The following CLPTM1L variants were observed in gnomAD, a reference collection of about 807,000 sequenced individuals.
CLPTM1L encodes the protein CLPTM1 like, also known as lipid scramblase CLPTM1L.
A neutral mutation model predicts 70.9 loss-of-function variants in CLPTM1L; 38 were observed. That is an observed-to-expected ratio of 0.54 (90% CI 0.41 to 0.70). The LOEUF (loss-of-function observed/expected upper bound fraction) is 0.70, where lower values mean the gene tolerates loss of function less well. Among genes scored for constraint, CLPTM1L ranks in the 30% least tolerant of loss-of-function variants. CLPTM1L has a pLI of 0.00. For synonymous variants in CLPTM1L, 339 were observed against 299.9 expected (o/e 1.13, Z -1.35); for missense variants, 652 against 705.9 (o/e 0.92, Z 0.87).
chr5:1,335,522 G>A (rs1211158548), intron 5 of CLPTM1L, among the ~76,000 whole-genome samples: 1 of 152,252 alleles, frequency 6.6e-6, no homozygotes, highest in Non-Finnish European at 1.5e-5. Context: ...AGGACTCCAT[G>A]GCGCAGCATA....
chr5:1,330,494 G>A, intron 8 of CLPTM1L, 111 bp from the exon 9 acceptor site: 1 of 765,510 alleles, frequency 1.3e-6, no homozygotes, highest in South Asian at 1.6e-5. Flanking sequence ...CGCCCAAGAA[G>A]CTTCAGGTAC....
At chr5:1,325,067 G>A in intron 10 of CLPTM1L, 1 of 574,942 alleles carries the variant, frequency 1.7e-6, no homozygotes, top group East Asian at 2.8e-5. Context: ...CCTTGCTCAG[G>A]TGGCTCAGTT....
At chr5:1,327,485 G>C (rs1481516566) in intron 9 of CLPTM1L, among the ~76,000 whole-genome samples, 37 of 105,374 alleles carry the variant, frequency 3.5e-4, no homozygotes, top group Admixed American at 5.7e-4. Context: ...CCTCTACAGG[G>C]ACATTTCATC....
rs1560872938 is a variant in CLPTM1L at position 1,342,019 on chromosome 5, T to TGC, written c.264-160_264-159insGC. Among the ~76,000 whole-genome samples the TGC allele has an allele frequency of 7.8e-6, 1 of 127,536 alleles. No homozygotes were observed. The highest frequency in any genetic ancestry group is 3.4e-5 in the African/African-American group (1 of 29,320). 83.7% of individuals were successfully genotyped at this position (127,536 alleles called of 152,430 possible). On this transcript the variant is annotated intron_variant, in intron 2 of 16. Transcript: ENST00000320895. This position sits in a 1 kb window ranked among gnomAD's most constrained non-coding sequence, Gnocchi z 4.3. ...CAGGGCTTTACGAGTCGTGTGTGTG[T>TGC]GTGTGTGTGTGTGTGTGTGTGCACG... is the stretch of plus-strand genomic sequence containing the variant.
rs774001520 is a variant in CLPTM1L, at chr5:1,344,790, C to T, written c.52G>A (p.Val18Ile). 1 of 1,604,860 alleles carries T rather than the reference C, an allele frequency of 6.2e-7. No individual in the cohort carries two copies. Residue 18 changes from valine (V) to isoleucine (I), a missense_variant, in exon 1 of 17, where the codon GTC becomes ATC. Around this residue, in one of 3 missense-constraint regions of CLPTM1L, gnomAD observed 402 missense variants for 388.2 expected, o/e 1.04. Transcript: ENST00000320895. The stretch of plus-strand genomic sequence containing the variant: ...ACCCAGCAGGTGTGCACCACGTAGA[C>T]CACGAACACGCCCACCACCAAGCTG... ...FTSLVVGVFVVYVVHTCWVMY... is the reference protein window; with the variant it reads ...FTSLVVGVFVIYVVHTCWVMY...
At position 1,335,045 on chromosome 5, in the gene CLPTM1L, T is replaced by C. The variant is rs767728138; in HGVS notation, c.796+12A>G. ...CGGCCTCACCCAGGCGCCGGCCGTG[T>C]GCGGCACATACCGAACTGCTGCAGG... is the stretch of plus-strand genomic sequence containing the variant. On this transcript the variant is annotated intron_variant, in intron 6 of 16. Transcript: ENST00000320895. The C allele has an allele frequency of 3.7e-6, 6 of 1,609,014 alleles. No individual in the cohort carries two copies. The highest frequency in any genetic ancestry group is 1.1e-5 in the South Asian group (1 of 91,000).
intron 2 of CLPTM1L, among the ~76,000 whole-genome samples, chr5:1,343,294 A>G (rs1754063727): frequency 6.6e-6 from 1 of 152,074 alleles, no homozygotes; most frequent in Admixed American, 6.5e-5. Context: ...GGACATCTTA[A>G]GTGTCTCTCT....
intron 4 of CLPTM1L, 28 bp downstream of exon 4, chr5:1,338,832 G>GGC: frequency 6.2e-7 from 1 of 1,611,634 alleles, no homozygotes; most frequent in South Asian, 1.1e-5. Context: ...CCCTCCCCCC[G>GGC]GCGCTCCAGC....
chr5:1,329,264 C>T (rs956278352), intron 9 of CLPTM1L, among the ~76,000 whole-genome samples: 1 of 152,264 alleles, frequency 6.6e-6, no homozygotes, highest in East Asian at 1.9e-4. Context: ...CACAGGGCAC[C>T]GAGTGATTTC....
At chr5:1,343,175 G>A (rs1276399129) in intron 2 of CLPTM1L, among the ~76,000 whole-genome samples, 4 of 150,694 alleles carry the variant, frequency 2.7e-5, no homozygotes, top group Non-Finnish European at 5.9e-5. Flanking sequence ...TGGCAACAGA[G>A]CAAGACTCTA....
Position 1,344,425 on chromosome 5 carries a change from G to T in CLPTM1L, c.189C>A (p.Ser63=). The T allele has an allele frequency of 6.2e-7, 1 of 1,613,644 alleles. No individual in the cohort carries two copies. Among genetic ancestry groups the T allele is most frequent in the Non-Finnish European group, 8.5e-7 (1 of 1,179,862 alleles). Residue 63 remains serine (S), a synonymous_variant, in exon 2 of 17, where the codon TCC becomes TCA. Coordinates refer to ENST00000320895, the MANE Select transcript of CLPTM1L (RefSeq NM_030782.5). ...LQLSVYTTTR[S]HLGAENNIDL... ...CGATGTTGTTCTCAGCACCCAGGTGGGACCTCGTCGTGGTGTACACGCTCA... is the reference window on the plus strand; with the variant it reads ...CGATGTTGTTCTCAGCACCCAGGTGTGACCTCGTCGTGGTGTACACGCTCA...
At chr5:1,332,988 CGGGATG>C (rs1420940508) in intron 7 of CLPTM1L, among the ~76,000 whole-genome samples, 3 of 148,218 alleles carry the variant, frequency 2.0e-5, no homozygotes, top group African/African-American at 7.5e-5. Context: ...TGTATACACA[CGGGATG>C]AGGATAAGGG....
At chr5:1,341,943 T>C (rs1753961865) in intron 2 of CLPTM1L, 83 bp from the exon 3 acceptor site, 1 of 1,114,416 alleles carries the variant, frequency 9.0e-7, no homozygotes, top group South Asian at 1.6e-5. Flanking sequence ...ATAAAGCTGC[T>C]TCAATAAACT....
chr5:1,328,650 T>A lies in CLPTM1L; in HGVS notation c.1080+1630A>T, dbSNP rs375129678. Among the ~76,000 whole-genome samples, 227 of 95,940 alleles carry A rather than the reference T, an allele frequency of 2.4e-3. 1 individual carries two copies. The highest frequency in any genetic ancestry group is 9.3e-3 in the Middle Eastern group (1 of 108). The allele number at this position is 95,940 out of a possible 152,430, so 62.9% of individuals were successfully genotyped here. Reference sequence around the variant, plus strand: ...CATCCAGCTCCTCCTCTACAGACAGTTTTCTTCCAGCTCCTTGTCTACAGA... The same window carrying A: ...CATCCAGCTCCTCCTCTACAGACAGATTTCTTCCAGCTCCTTGTCTACAGA... On this transcript the variant is annotated intron_variant, in intron 9 of 16. Coordinates refer to ENST00000320895, the MANE Select transcript of CLPTM1L (RefSeq NM_030782.5).
Position 1,335,171 on chromosome 5 carries a change from T to C in CLPTM1L, c.682A>G (p.Ile228Val). 2 of 1,612,768 alleles carry C rather than the reference T, an allele frequency of 1.2e-6. No individual in the cohort carries two copies. The highest frequency in any genetic ancestry group is 1.7e-6 in the Non-Finnish European group (2 of 1,179,314). Reference sequence around the variant, plus strand: ...GGCAGCTCGGTGGTGGAGCGGTTTATGACCTGATGAAGAAAGCCACACTGA... The same window carrying C: ...GGCAGCTCGGTGGTGGAGCGGTTTACGACCTGATGAAGAAAGCCACACTGA... The part of the protein sequence containing the change: ...LSNRVKDLMV[I>V]NRSTTELPLT... Residue 228 changes from isoleucine (I) to valine (V), a missense_variant, in exon 6 of 17, where the codon ATA becomes GTA. By Grantham distance (29) the Ile-to-Val change is conservative. This residue lies in a region of CLPTM1L where 402 missense variants were observed against 388.2 expected (regional missense o/e 1.04). Coordinates refer to ENST00000320895, the MANE Select transcript of CLPTM1L (RefSeq NM_030782.5).
chr5:1,326,465 CCA>C (rs1752554732), intron 9 of CLPTM1L: 3 of 237,834 alleles, frequency 1.3e-5, no homozygotes. Flanking sequence ...AGCTCCTCCT[CCA>C]CAGACACATT....
chr5:1,337,422 G>A (rs1191413924), intron 5 of CLPTM1L, among the ~76,000 whole-genome samples: 3 of 152,236 alleles, frequency 2.0e-5, no homozygotes, highest in East Asian at 1.9e-4. Flanking sequence ...AAGGCCTTCC[G>A]CCTTGCCAGG....
At chr5:1,323,118 G>A (rs923081552) in intron 12 of CLPTM1L, among the ~76,000 whole-genome samples, 1 of 151,960 alleles carries the variant, frequency 6.6e-6, no homozygotes, top group African/African-American at 2.4e-5. Flanking sequence ...CAGAGGCCGG[G>A]CACTCCAGGA....
At position 1,331,990 on chromosome 5, in the gene CLPTM1L, G is replaced by C. The variant is rs949883205; in HGVS notation, c.892-107C>G. On this transcript the variant is annotated intron_variant, in intron 7 of 16. Coordinates refer to ENST00000320895, the MANE Select transcript of CLPTM1L (RefSeq NM_030782.5). ...GACCGTGAGACTGCAGGTGTACTCA[G>C]CCTCAGGATGCATCAGGATAAGTGT... The C allele has an allele frequency of 3.9e-5, 34 of 865,450 alleles. No individual in the cohort carries two copies. In the African/African-American group the frequency reaches 5.5e-4, roughly 14 times the overall value. 53.6% of individuals were successfully genotyped at this position (865,450 alleles called of 1,614,324 possible). A position where few individuals can be genotyped will look rare whatever the true frequency, so the allele number is the denominator to read the frequency against.
Sources: gnomAD v4.1 joint callset for allele counts (sites outside exome capture counted in the v4.1 genomes callset) on GRCh38, gnomAD v4.1.1 for gene constraint, gnomAD v4.1.1 regional missense constraint, Gnocchi (gnomAD v3.1) non-coding constraint, MANE v1.5 for transcripts, NCBI Gene and HGNC (gene_info 2026-07-23, HGNC 2026-07-21) for gene names.